KLHL13: variants seen among roughly 807,000 people sequenced by gnomAD.
KLHL13 encodes kelch like family member 13, also known as kelch-like protein 13.
In KLHL13, 10 loss-of-function variants were observed where a neutral mutation model predicts 37.1. The ratio of observed to expected loss-of-function variants is 0.27; its 90% CI spans 0.17 to 0.46. KLHL13 has a LOEUF of 0.46. Ranked by LOEUF, KLHL13 falls within the 20% of genes least tolerant of loss-of-function variation. The pLI is 1.00. For missense variants in KLHL13, 360 were observed against 509.3 expected (o/e 0.71, Z 2.82); for synonymous variants, 163 against 181.2 (o/e 0.90, Z 0.81).
chrX:118,096,923 G>A (rs774765917), intron 1 of KLHL13, among the ~76,000 whole-genome samples: 3,065 of 110,973 alleles, frequency 0.028, 102 homozygotes, highest in African/African-American at 0.094. Flanking sequence ...TTGATGGGAC[G>A]TATCTCAAAA....
At chrX:118,036,200 A>G (rs1273480932) in intron 1 of KLHL13, among the ~76,000 whole-genome samples, 1 of 106,474 alleles carries the variant, frequency 9.4e-6, no homozygotes, top group Non-Finnish European at 1.9e-5. Flanking sequence ...TGCCATCCCC[A>G]TCAAGCTACC....
intron 1 of KLHL13, among the ~76,000 whole-genome samples, chrX:118,078,928 G>T (rs191391677): frequency 9.0e-6 from 1 of 110,823 alleles, no homozygotes; most frequent in Admixed American, 9.7e-5. Context: ...CAGCACCTTC[G>T]CATTGTCAGT....
chrX:118,012,757 T>A (rs763124974), intron 1 of KLHL13, among the ~76,000 whole-genome samples: 1 of 111,219 alleles, frequency 9.0e-6, no homozygotes, highest in African/African-American at 3.3e-5. Flanking sequence ...AGTTACCATT[T>A]TTTTTTCCAT....
chrX:117,924,903 A>C (rs2147716098), intron 2 of KLHL13, among the ~76,000 whole-genome samples: 1 of 110,145 alleles, frequency 9.1e-6, no homozygotes, highest in South Asian at 3.8e-4. Context: ...TTTAATGTTT[A>C]ATGTTTTAAT....
intron 1 of KLHL13, among the ~76,000 whole-genome samples, chrX:117,986,734 T>C (rs1410319258): frequency 8.9e-6 from 1 of 112,067 alleles, no homozygotes; most frequent in African/African-American, 3.2e-5. Context: ...CCAGCTCAAA[T>C]TCCATTTGCT....
intron 2 of KLHL13, among the ~76,000 whole-genome samples, chrX:117,937,195 C>T (rs1393171226): frequency 8.9e-6 from 1 of 112,145 alleles, no homozygotes; most frequent in Admixed American, 9.5e-5. Flanking sequence ...CAACACCACA[C>T]CTAAGATTGA....
chrX:118,030,152 G>C (rs1169133096), intron 1 of KLHL13, among the ~76,000 whole-genome samples: 2 of 111,085 alleles, frequency 1.8e-5, no homozygotes, highest in Non-Finnish European at 3.8e-5. Context: ...ATTCTAAAAA[G>C]CAAATAAATC....
chrX:118,105,077 A>G (rs750457050), intron 1 of KLHL13, among the ~76,000 whole-genome samples: 3 of 112,248 alleles, frequency 2.7e-5, no homozygotes, highest in Admixed American at 9.4e-5. Context: ...ATACCAACAC[A>G]CACCTGTGCA....
At chrX:118,096,472 G>A (rs1393571335) in intron 1 of KLHL13, among the ~76,000 whole-genome samples, 1 of 111,613 alleles carries the variant, frequency 9.0e-6, no homozygotes, top group East Asian at 2.8e-4. Context: ...AGGATCAGAT[G>A]GATTCACAGA....
intron 1 of KLHL13, among the ~76,000 whole-genome samples, chrX:118,029,377 C>T (rs896418367): frequency 8.9e-6 from 1 of 111,754 alleles, no homozygotes; most frequent in South Asian, 3.7e-4. Flanking sequence ...ATTCGAAAGA[C>T]ATAAAATAGC....
intron 1 of KLHL13, among the ~76,000 whole-genome samples, chrX:118,112,450 G>C (rs1310417228): frequency 9.0e-6 from 1 of 110,826 alleles, no homozygotes; most frequent in Non-Finnish European, 1.9e-5. Context: ...AGTTCAATGG[G>C]GAATAGTGTA....
chrX:118,007,263 G>C (rs1019007672), intron 1 of KLHL13, among the ~76,000 whole-genome samples: 11 of 107,015 alleles, frequency 1.0e-4, no homozygotes, highest in African/African-American at 3.7e-4. Context: ...GAAAAAATTA[G>C]CCAGGCGTGG....
intron 1 of KLHL13, among the ~76,000 whole-genome samples, chrX:118,053,643 TA>T (rs1191217586): frequency 1.9e-5 from 2 of 105,999 alleles, no homozygotes; most frequent in Admixed American, 1.0e-4. Flanking sequence ...AGTATAATAA[TA>T]AAAAAAAGAA....
At chrX:117,999,243 C>G (rs1396037144) in intron 1 of KLHL13, among the ~76,000 whole-genome samples, 2 of 111,894 alleles carry the variant, frequency 1.8e-5, no homozygotes, top group African/African-American at 6.5e-5. Context: ...CGCATGCACA[C>G]GTATGCTTAT....
At chrX:118,062,376 T>G (rs1244074720) in intron 1 of KLHL13, among the ~76,000 whole-genome samples, 2 of 110,873 alleles carry the variant, frequency 1.8e-5, no homozygotes, top group African/African-American at 6.5e-5. Flanking sequence ...TGGTTATTTA[T>G]TCTAACATTT....
intron 1 of KLHL13, among the ~76,000 whole-genome samples, chrX:118,097,836 C>G (rs1261240851): frequency 1.8e-5 from 2 of 111,574 alleles, no homozygotes; most frequent in East Asian, 5.6e-4. Context: ...GGAAAGGATT[C>G]CCTATTTAAT....
intron 1 of KLHL13, among the ~76,000 whole-genome samples, chrX:118,083,560 G>A (rs1050081714): frequency 6.3e-5 from 7 of 111,572 alleles, no homozygotes; most frequent in African/African-American, 2.0e-4. Flanking sequence ...GTAGAATAGT[G>A]GTTATCAGAG....
At chrX:118,034,205 A>G (rs1416039253) in intron 1 of KLHL13, among the ~76,000 whole-genome samples, 1 of 105,505 alleles carries the variant, frequency 9.5e-6, no homozygotes, top group African/African-American at 3.8e-5. Context: ...TAACAAGGAT[A>G]TCCAGGAATT....
At chrX:117,999,146 G>A (rs2053890405) in intron 1 of KLHL13, among the ~76,000 whole-genome samples, 1 of 110,695 alleles carries the variant, frequency 9.0e-6, no homozygotes, top group Non-Finnish European at 1.9e-5. Flanking sequence ...GGTTCCTCAG[G>A]GATCTAGAAC....
Sources: allele counts gnomAD v4.1 joint callset (sites outside exome capture counted in the v4.1 genomes callset), GRCh38; gene constraint gnomAD v4.1.1; transcripts MANE v1.5; gene names NCBI Gene and HGNC (gene_info 2026-07-23, HGNC 2026-07-21).